Variants in FAF1 observed in about 807,000 individuals in gnomAD.
The protein encoded by FAF1 is FAS-associated factor 1.
In FAF1, 25 loss-of-function variants were observed where a neutral mutation model predicts 92.5. That is an observed-to-expected ratio of 0.27 (90% CI 0.20 to 0.38). The LOEUF is 0.38. Ranked by LOEUF, FAF1 falls within the 10% of genes least tolerant of loss-of-function variation. The pLI is 1.00. For missense variants in FAF1, 636 were observed against 793.3 expected, an observed-to-expected ratio of 0.80 and a Z score of 2.38; for synonymous variants, 234 against 273.2, an observed-to-expected ratio of 0.86 and a Z score of 1.42.
chr1:50,599,271 C>T (rs113598997), intron 8 of FAF1, among the ~76,000 whole-genome samples: 1,892 of 152,202 alleles, frequency 0.012, 42 homozygotes, highest in African/African-American at 0.042. Context: ...TGCCACCATG[C>T]CTGGCTAATT....
chr1:50,635,567 G>A (rs1260074345), intron 8 of FAF1, among the ~76,000 whole-genome samples: 5 of 152,122 alleles, frequency 3.3e-5, no homozygotes, highest in African/African-American at 7.2e-5. Flanking sequence ...CTGCGACCAC[G>A]GGTGCATGCC....
At chr1:50,453,792 A>G (rs2148982211) in intron 18 of FAF1, among the ~76,000 whole-genome samples, 1 of 152,246 alleles carries the variant, frequency 6.6e-6, no homozygotes, top group East Asian at 1.9e-4. Context: ...GGAGATATGC[A>G]TTTTACCTGG....
At chr1:50,496,912 C>T (rs1046729515) in intron 15 of FAF1, among the ~76,000 whole-genome samples, 1 of 151,356 alleles carries the variant, frequency 6.6e-6, no homozygotes, top group African/African-American at 2.4e-5. Context: ...AAAGTTATCT[C>T]TGGGATAACT....
rs375728896 is a variant in FAF1, at chr1:50,696,251, G to T, written c.657+9535C>A. 5.5e-4 allele frequency among the ~76,000 whole-genome samples: 83 copies of T among 152,130 alleles called. 1 individual carries two copies. In the East Asian group the frequency reaches 0.012, roughly 22 times the overall value. On this transcript the variant is annotated intron_variant, in intron 7 of 18. Transcript: ENST00000396153. ...AAAAATAAGGTTTACACTTTCCCAA[G>T]CAAAGGTAACTTAATGCTACATATC...
At chr1:50,747,821 TGTGATACAGTTCTC>T (rs1659688759) in intron 4 of FAF1, among the ~76,000 whole-genome samples, 1 of 152,172 alleles carries the variant, frequency 6.6e-6, no homozygotes, top group South Asian at 2.1e-4. Flanking sequence ...GTGCTGTTCT[TGTGATACAGTTCTC>T]GTGAGATCTG....
At chr1:50,881,455 T>C (rs1363076927) in intron 1 of FAF1, among the ~76,000 whole-genome samples, 1 of 152,224 alleles carries the variant, frequency 6.6e-6, no homozygotes, top group Non-Finnish European at 1.5e-5. Context: ...AGTTTCATGG[T>C]AACTGATTAT....
Position 50,440,223 on chromosome 1 carries a change from A to G in FAF1, c.*1217T>C, listed in dbSNP as rs1229127454. On this transcript the variant is annotated 3_prime_UTR_variant, in exon 19 of 19. Transcript: ENST00000396153. The stretch of plus-strand genomic sequence containing the variant: ...ACTAAAAATAAATCATTGGCTGTGA[A>G]GGTATAAACGGTGTTCTCATGATCT... 1 of 152,236 alleles carries G rather than the reference A, an allele frequency of 6.6e-6. No homozygotes were observed. The highest frequency in any genetic ancestry group is 2.4e-5 in the African/African-American group (1 of 41,458). The allele number at this position is 152,236 out of a possible 1,614,324, so 9.4% of individuals were successfully genotyped here. A position where few individuals can be genotyped will look rare whatever the true frequency, so the allele number is the denominator to read the frequency against.
At chr1:50,601,964 G>C (rs1232761459) in intron 8 of FAF1, among the ~76,000 whole-genome samples, 2 of 151,974 alleles carry the variant, frequency 1.3e-5, no homozygotes, top group Non-Finnish European at 2.9e-5. Context: ...ATGGGACCTT[G>C]GGTCAGTAAC....
At chr1:50,552,917 AAG>A (rs1306504406) in intron 13 of FAF1, among the ~76,000 whole-genome samples, 4 of 152,146 alleles carry the variant, frequency 2.6e-5, no homozygotes, top group African/African-American at 4.8e-5. Flanking sequence ...GTTTATTTAA[AAG>A]AGAGAGAGAA....
intron 3 of FAF1, among the ~76,000 whole-genome samples, chr1:50,799,996 ATATT>A (rs1280225629): frequency 6.6e-6 from 1 of 152,188 alleles, no homozygotes; most frequent in Non-Finnish European, 1.5e-5. Context: ...TAGTTGAAGA[ATATT>A]ACTAGATACA....
intron 8 of FAF1, among the ~76,000 whole-genome samples, chr1:50,639,311 TAA>T (rs1283639980): frequency 1.3e-5 from 2 of 152,224 alleles, no homozygotes; most frequent in East Asian, 3.9e-4. Context: ...GGAAAATATA[TAA>T]GAGTTGAGAT....
chr1:50,921,125 A>C (rs1419124723), intron 1 of FAF1, among the ~76,000 whole-genome samples: 1 of 152,222 alleles, frequency 6.6e-6, no homozygotes, highest in Non-Finnish European at 1.5e-5. Context: ...AATCAAACAT[A>C]CAATTACCAT....
chr1:50,928,782 C>CAAAAAAAAAA (rs1157426126), intron 1 of FAF1, among the ~76,000 whole-genome samples: 1 of 39,698 alleles, frequency 2.5e-5, no homozygotes, highest in African/African-American at 8.8e-5. Context: ...GACTCCACCT[C>CAAAAAAAAAA]AAAAAAAAAA....
At chr1:50,631,992 T>A (rs533806620) in intron 8 of FAF1, among the ~76,000 whole-genome samples, 16 of 152,324 alleles carry the variant, frequency 1.1e-4, no homozygotes, top group African/African-American at 3.4e-4. Flanking sequence ...ACTACAGATG[T>A]ACATGTATAT....
chr1:50,615,465 G>A (rs1342252834), intron 8 of FAF1, among the ~76,000 whole-genome samples: 1 of 152,174 alleles, frequency 6.6e-6, no homozygotes, highest in Admixed American at 6.5e-5. Context: ...TCTCCATAGT[G>A]ACTGAACTAA....
intron 7 of FAF1, among the ~76,000 whole-genome samples, chr1:50,677,623 G>A (rs550808261): frequency 1.3e-5 from 2 of 152,128 alleles, no homozygotes; most frequent in African/African-American, 2.4e-5. Flanking sequence ...GGCTGGACAC[G>A]GTGGCTGACG....
intron 6 of FAF1, among the ~76,000 whole-genome samples, chr1:50,721,676 G>A (rs1343351245): frequency 6.6e-6 from 1 of 152,082 alleles, no homozygotes; most frequent in Non-Finnish European, 1.5e-5. Context: ...CCACGCTGGA[G>A]TCAGTGGTAC....
chr1:50,895,110 GA>G (rs1043749242), intron 1 of FAF1, among the ~76,000 whole-genome samples: 9 of 149,980 alleles, frequency 6.0e-5, no homozygotes, highest in South Asian at 2.1e-4. Flanking sequence ...TTTTAGAAAA[GA>G]AAAAAAAATT....
intron 8 of FAF1, among the ~76,000 whole-genome samples, chr1:50,606,676 A>G (rs1300338847): frequency 2.0e-5 from 3 of 151,178 alleles, no homozygotes; most frequent in Non-Finnish European, 4.4e-5. Context: ...ATTTTTTTGT[A>G]TTTTAGTAGA....
Sources: allele counts gnomAD v4.1 joint callset (sites outside exome capture counted in the v4.1 genomes callset), GRCh38; gene constraint gnomAD v4.1.1; transcripts MANE v1.5; gene names NCBI Gene and HGNC (gene_info 2026-07-23, HGNC 2026-07-21).